TNRC6A: variants seen among roughly 807,000 people sequenced by gnomAD.
TNRC6A encodes trinucleotide repeat containing adaptor 6A.
In TNRC6A, 44 loss-of-function variants were observed where a neutral mutation model predicts 221.2. The observed-to-expected ratio is 0.20, with a 90% CI of 0.16 to 0.26. The LOEUF is 0.26. TNRC6A is among the 10% of genes least tolerant of loss of function. The pLI, the probability that TNRC6A is intolerant of heterozygous loss-of-function variation, is 1.00. For synonymous variants in TNRC6A, 847 were observed against 838.5 expected (o/e 1.01, Z -0.18); for missense variants, 2,199 against 2,404.4 (o/e 0.91, Z 1.79).
rs182717608 is a variant in TNRC6A, at chr16:24,644,994, C to T, written n.402+3985C>T. On this transcript the variant is annotated intron_variant and non_coding_transcript_variant, in intron 2 of 2. Coordinates refer to the TNRC6A transcript ENST00000566108. ...TTTGACATCCAGGGTGTATTTTACA[C>T]TTACAGTACAGCTGTCATTGAAAAC... is the stretch of plus-strand genomic sequence containing the variant. Among the ~76,000 whole-genome samples, 1,154 of 152,286 alleles carry T rather than the reference C, an allele frequency of 7.6e-3. 13 individuals carry two copies. Among genetic ancestry groups the T allele is most frequent in the African/African-American group, 0.025 (1,057 of 41,558 alleles).
chr16:24,727,509 G>C, upstream of TNRC6A, among the ~76,000 whole-genome samples: 1 of 152,092 alleles, frequency 6.6e-6, no homozygotes, highest in East Asian at 1.9e-4. Context: ...GTAGCATCCA[G>C]TGTGACAACC....
intron 2 of TNRC6A, among the ~76,000 whole-genome samples, chr16:24,674,694 CCACACACA>C (rs3219528): frequency 0.059 from 8,647 of 146,192 alleles, 494 homozygotes; most frequent in African/African-American, 0.15. Flanking sequence ...ACTGCCCCCA[CCACACACA>C]CACACACACA....
chr16:24,714,916 A>G (rs12103006), intron 2 of TNRC6A, among the ~76,000 whole-genome samples: 79,329 of 148,074 alleles, frequency 0.54, 21,254 homozygotes, highest in South Asian at 0.62. Flanking sequence ...TTGCTCTGTC[A>G]CCCAGGCTGG....
At chr16:24,698,021 C>CAAAAAAAAAAAAAAAAAAAAAAAAAAAAA (rs1290086269) in intron 2 of TNRC6A, among the ~76,000 whole-genome samples, 1 of 78,542 alleles carries the variant, frequency 1.3e-5, no homozygotes. Context: ...GGCTCTGTCT[C>CAAAAAAAAAAAAAAAAAAAAAAAAAAAAA]AAAAAAAAAA....
Position 24,787,479 on chromosome 16 carries a change from C to A in TNRC6A, c.590-1753C>A, listed in dbSNP as rs1414732194. ...GCGCACAAAGTTGTCAGACATAGTA[C>A]TGAATGCCAAACATTTGTTGATGGT... On this transcript the variant is annotated intron_variant, in intron 5 of 24. Coordinates refer to ENST00000395799, the MANE Select transcript of TNRC6A (RefSeq NM_014494.4). 2.6e-5 allele frequency among the ~76,000 whole-genome samples: 4 copies of A among 152,324 alleles called. No individual in the cohort carries two copies. The East Asian group carries it at 7.7e-4, about 29-fold the overall frequency.
chr16:24,624,971 C>T (rs974908626), intron 1 of TNRC6A, among the ~76,000 whole-genome samples: 3 of 152,150 alleles, frequency 2.0e-5, no homozygotes, highest in Non-Finnish European at 2.9e-5. Context: ...GGAAGGTGCT[C>T]ATGTGAATAA....
At chr16:24,682,152 G>A (rs1033400275) in intron 2 of TNRC6A, among the ~76,000 whole-genome samples, 20 of 152,050 alleles carry the variant, frequency 1.3e-4, no homozygotes, top group Non-Finnish European at 2.9e-4. Context: ...AGTAATTAAT[G>A]TAAACAAAGA....
chr16:24,681,470 C>T (rs1007051740), intron 2 of TNRC6A, among the ~76,000 whole-genome samples: 2 of 151,842 alleles, frequency 1.3e-5, no homozygotes, highest in Non-Finnish European at 1.5e-5. Context: ...TCAAGTGATC[C>T]GCCTGCCTCA....
chr16:24,723,157 T>C (rs933953017), intron 2 of TNRC6A, among the ~76,000 whole-genome samples: 1 of 152,182 alleles, frequency 6.6e-6, no homozygotes, highest in African/African-American at 2.4e-5. Context: ...CATTACAGTA[T>C]CAGATTTTCC....
At chr16:24,718,470 A>G (rs2056354369) in intron 2 of TNRC6A, among the ~76,000 whole-genome samples, 1 of 152,184 alleles carries the variant, frequency 6.6e-6, no homozygotes, top group Non-Finnish European at 1.5e-5. Context: ...GAGGACTTCC[A>G]TTCAGAGGAA....
At chr16:24,802,518 C>T (rs2058350034) in intron 11 of TNRC6A, among the ~76,000 whole-genome samples, 1 of 152,170 alleles carries the variant, frequency 6.6e-6, no homozygotes, top group African/African-American at 2.4e-5. Context: ...CACTACGCTC[C>T]AGCCTGGGCA....
At chr16:24,785,482 CT>C (rs2057946395) in intron 5 of TNRC6A, among the ~76,000 whole-genome samples, 1 of 152,192 alleles carries the variant, frequency 6.6e-6, no homozygotes, top group African/African-American at 2.4e-5. Context: ...TGATTAAGAT[CT>C]TTTCCCATCA....
At chr16:24,704,937 A>G (rs2056067719) in intron 2 of TNRC6A, among the ~76,000 whole-genome samples, 1 of 152,060 alleles carries the variant, frequency 6.6e-6, no homozygotes, top group African/African-American at 2.4e-5. Context: ...CCAGGAGTTT[A>G]AGACCAGCAT....
At chr16:24,720,263 A>C (rs2056385547) in intron 2 of TNRC6A, among the ~76,000 whole-genome samples, 3 of 151,938 alleles carry the variant, frequency 2.0e-5, no homozygotes, top group African/African-American at 7.3e-5. Flanking sequence ...TTAGCCAGGC[A>C]TGGCAGCTCA....
chr16:24,624,785 A>G (rs570532876), intron 1 of TNRC6A, among the ~76,000 whole-genome samples: 2 of 152,330 alleles, frequency 1.3e-5, no homozygotes, highest in Admixed American at 6.5e-5. Flanking sequence ...CACTCAGCAA[A>G]GGACAGTTGT....
chr16:24,744,148 C>T (rs2056952312), intron 2 of TNRC6A, among the ~76,000 whole-genome samples: 1 of 152,088 alleles, frequency 6.6e-6, no homozygotes, highest in African/African-American at 2.4e-5. Context: ...ATGACCTGAT[C>T]AGGTTATGCA....
In TNRC6A at chr16:24,797,523, G is replaced by A. The variant is rs756533457; in HGVS notation, c.3595G>A (p.Ala1199Thr). Residue 1199 changes from alanine to threonine, a missense_variant, in exon 10 of 25, where the codon GCG becomes ACG. Physicochemically the swap from Ala to Thr is moderately conservative, Grantham distance 58. Around this residue, in one of 8 missense-constraint regions of TNRC6A, gnomAD observed 158 missense variants for 159.1 expected, o/e 0.99. Coordinates refer to ENST00000395799, the MANE Select transcript of TNRC6A (RefSeq NM_014494.4). Reference protein sequence around the residue: ...MMKGGNKQEEAWINPFVKQFS... With the variant: ...MMKGGNKQEETWINPFVKQFS... ...GAAAGGTGGAAACAAACAAGAAGAA[G>A]CGTGGATAAATCCATTTGTTAAACA... The A allele has an allele frequency of 5.6e-6, 9 of 1,611,400 alleles. No homozygotes were observed. In the East Asian group the frequency reaches 6.7e-5, roughly 12 times the overall value.
At chr16:24,805,487 AAC>A in intron 14 of TNRC6A, 116 bp from the exon 15 acceptor site, 2 of 1,385,650 alleles carry the variant, frequency 1.4e-6, no homozygotes, top group Non-Finnish European at 9.9e-7. Flanking sequence ...CAAAGACTAT[AAC>A]CCCCAATGAA....
chr16:24,688,858 A>G (rs1240755568), intron 2 of TNRC6A, among the ~76,000 whole-genome samples: 1 of 152,226 alleles, frequency 6.6e-6, no homozygotes, highest in Admixed American at 6.5e-5. Flanking sequence ...TTATGGATAC[A>G]ATGAATTTCC....
Sources: allele counts gnomAD v4.1 joint callset (sites outside exome capture counted in the v4.1 genomes callset), GRCh38; gene constraint gnomAD v4.1.1; regional missense constraint gnomAD v4.1.1; transcripts MANE v1.5; gene names NCBI Gene and HGNC (gene_info 2026-07-23, HGNC 2026-07-21).